The following DTNA variants were observed in gnomAD, a reference collection of about 807,000 sequenced individuals.
The protein encoded by DTNA is dystrobrevin alpha.
In DTNA, 43 loss-of-function variants were observed where a neutral mutation model predicts 100.7. That is an observed-to-expected ratio of 0.43 (90% CI 0.33 to 0.55). The LOEUF (loss-of-function observed/expected upper bound fraction) is 0.55. DTNA is among the 20% of genes least tolerant of loss of function. The pLI is 0.04. For synonymous variants in DTNA, 349 were observed against 347.9 expected (o/e 1.00, Z -0.04); for missense variants, 798 against 953.9 (o/e 0.84, Z 2.15).
At chr18:34,684,158 T>G (rs1009022188) in intron 1 of DTNA, among the ~76,000 whole-genome samples, 4 of 152,058 alleles carry the variant, frequency 2.6e-5, no homozygotes, top group Admixed American at 2.6e-4. Flanking sequence ...GATTTTTATG[T>G]ATATATATAC....
At chr18:34,575,694 A>G (rs934751015) in intron 1 of DTNA, among the ~76,000 whole-genome samples, 1 of 152,240 alleles carries the variant, frequency 6.6e-6, no homozygotes, top group Non-Finnish European at 1.5e-5. Context: ...ATAAATTTCA[A>G]GATTATTCTG....
At chr18:34,845,992 C>G (rs1540063) in intron 13 of DTNA, among the ~76,000 whole-genome samples, 39,993 of 152,030 alleles carry the variant, frequency 0.26, 5,439 homozygotes, top group African/African-American at 0.32. Context: ...GTTAAATACT[C>G]TTGAACAACT....
chr18:34,672,180 T>G (rs1175323542), intron 1 of DTNA, among the ~76,000 whole-genome samples: 1 of 152,146 alleles, frequency 6.6e-6, no homozygotes, highest in East Asian at 1.9e-4. Flanking sequence ...ATGGAGAACA[T>G]AAAGCTTTAA....
intron 7 of DTNA, 126 bp from the exon 8 acceptor site, chr18:34,818,038 C>A: frequency 6.3e-7 from 1 of 1,578,750 alleles, no homozygotes; most frequent in East Asian, 2.3e-5. Flanking sequence ...TCTCTGAGCC[C>A]AAATCAACTA....
intron 3 of DTNA, among the ~76,000 whole-genome samples, chr18:34,781,765 G>A (rs779231723): frequency 6.6e-6 from 1 of 152,230 alleles, no homozygotes; most frequent in Non-Finnish European, 1.5e-5. Context: ...ATTGCACAGA[G>A]AATTGTATAG....
At chr18:34,650,655 A>G (rs916821827) in intron 1 of DTNA, among the ~76,000 whole-genome samples, 5 of 152,262 alleles carry the variant, frequency 3.3e-5, no homozygotes, top group East Asian at 1.9e-4. Flanking sequence ...AGAGACAGAC[A>G]CTATACTAGG....
At chr18:34,520,477 C>A (rs1420260421) in intron 1 of DTNA, among the ~76,000 whole-genome samples, 2 of 151,996 alleles carry the variant, frequency 1.3e-5, no homozygotes, top group African/African-American at 4.8e-5. Context: ...GATGGTGAAA[C>A]CCTGTCTCTA....
chr18:34,571,476 C>A lies in DTNA; in HGVS notation c.-2+77962C>A, dbSNP rs117402277. Among the ~76,000 whole-genome samples, 983 of 152,164 alleles carry A rather than the reference C, an allele frequency of 6.5e-3. 1 individual carries two copies. Among genetic ancestry groups the A allele is most frequent in the Non-Finnish European group, 0.01 (691 of 68,002 alleles). On this transcript the variant is annotated intron_variant, in intron 1 of 19. Transcript: ENST00000283365. ...TCTGAACAGACTGAGTGTGGTGGCT[C>A]ACCCCTGTAATCCCATCACTTTGGG...
intron 1 of DTNA, among the ~76,000 whole-genome samples, chr18:34,527,580 T>C (rs1296210192): frequency 6.6e-6 from 1 of 152,122 alleles, no homozygotes; most frequent in Non-Finnish European, 1.5e-5. Flanking sequence ...TATGTTGAGA[T>C]ATCACTGAAG....
intron 1 of DTNA, among the ~76,000 whole-genome samples, chr18:34,671,801 A>AACAG (rs1458676734): frequency 2.0e-5 from 3 of 152,102 alleles, no homozygotes; most frequent in African/African-American, 7.2e-5. Flanking sequence ...TCATAGTATC[A>AACAG]ACAGACACAG....
chr18:34,689,564 G>GTATGAGGTATCTATCGA (rs2079431458), intron 1 of DTNA, among the ~76,000 whole-genome samples: 1 of 152,160 alleles, frequency 6.6e-6, no homozygotes, highest in Middle Eastern at 3.2e-3. Context: ...GAGCTATTCT[G>GTATGAGGTATCTATCGA]TATGAGGTAT....
chr18:34,609,245 C>CTT (rs71166019), intron 1 of DTNA, among the ~76,000 whole-genome samples: 1,448 of 131,294 alleles, frequency 0.011, 37 homozygotes, highest in African/African-American at 0.038. Context: ...TGCTTTAATT[C>CTT]TTTTTTTTTT....
intron 1 of DTNA, among the ~76,000 whole-genome samples, chr18:34,632,011 A>G (rs188517811): frequency 6.6e-6 from 1 of 152,200 alleles, no homozygotes; most frequent in Admixed American, 6.5e-5. Context: ...AAAAATTATT[A>G]TCTTGGTGTC....
intron 1 of DTNA, among the ~76,000 whole-genome samples, chr18:34,516,774 C>G (rs1385397437): frequency 6.6e-6 from 1 of 152,104 alleles, no homozygotes; most frequent in African/African-American, 2.4e-5. Context: ...TCGCAGCCAT[C>G]CTTTTCCTTT....
At chr18:34,761,346 A>G (rs8098155) in intron 2 of DTNA, among the ~76,000 whole-genome samples, 118,867 of 152,172 alleles carry the variant, frequency 0.78, 47,066 homozygotes, top group East Asian at 0.96. Context: ...TCAAAATATA[A>G]AAGGCAAAAC....
At chr18:34,664,533 G>A (rs2075636696) in intron 1 of DTNA, among the ~76,000 whole-genome samples, 1 of 152,038 alleles carries the variant, frequency 6.6e-6, no homozygotes, top group Non-Finnish European at 1.5e-5. Flanking sequence ...CCTGAATGCT[G>A]GGTTATACAA....
At chr18:34,645,799 G>T (rs916618377) in intron 1 of DTNA, among the ~76,000 whole-genome samples, 26 of 151,748 alleles carry the variant, frequency 1.7e-4, no homozygotes, top group South Asian at 4.1e-4. Flanking sequence ...ATTGACTTTA[G>T]AAGCTGGCTT....
intron 1 of DTNA, among the ~76,000 whole-genome samples, chr18:34,693,932 G>A (rs780217661): frequency 5.9e-5 from 9 of 152,076 alleles, no homozygotes; most frequent in African/African-American, 9.7e-5. Context: ...ACGTAAAACA[G>A]TGCAATCCTT....
At chr18:34,817,799 TC>T (rs2095629265) in intron 7 of DTNA, among the ~76,000 whole-genome samples, 1 of 152,206 alleles carries the variant, frequency 6.6e-6, no homozygotes, top group Non-Finnish European at 1.5e-5. Context: ...TTCTGAGTCT[TC>T]CAGTGAGCTG....
Sources: gnomAD v4.1 joint callset for allele counts (sites outside exome capture counted in the v4.1 genomes callset) on GRCh38, gnomAD v4.1.1 for gene constraint, MANE v1.5 for transcripts, NCBI Gene and HGNC (gene_info 2026-07-23, HGNC 2026-07-21) for gene names.